TAF3: variants seen among roughly 807,000 people sequenced by gnomAD.
TAF3 encodes the protein TATA-box binding protein associated factor 3.
In TAF3, 7 loss-of-function variants were observed where a neutral mutation model predicts 80.6. The ratio of observed to expected loss-of-function variants is 0.09; its 90% confidence interval spans 0.05 to 0.16. TAF3 has a LOEUF of 0.16. Among genes scored for constraint, TAF3 ranks in the 10% least tolerant of loss-of-function variants. TAF3 has a pLI of 1.00. For synonymous variants in TAF3, 444 were observed against 446.1 expected (o/e 1.00, Z 0.06); for missense variants, 921 against 1,140.2 (o/e 0.81, Z 2.77).
rs547652882 is a variant in TAF3, at chr10:7,865,474, G to A, written c.409+40914G>A. The stretch of plus-strand genomic sequence containing the variant: ...AGCCTGGGGGACAGAGTGAGACTCC[G>A]TCTCAAACAAACAAACAAACAAACA... On this transcript the variant is annotated intron_variant, in intron 2 of 6. Coordinates refer to ENST00000344293, the MANE Select transcript of TAF3 (RefSeq NM_031923.4). 3.0e-3 allele frequency among the ~76,000 whole-genome samples: 406 copies of A among 135,146 alleles called. 1 individual carries two copies. The highest frequency in any genetic ancestry group is 9.5e-3 in the African/African-American group (369 of 38,668). 88.7% of individuals were successfully genotyped at this position (135,146 alleles called of 152,430 possible). A position where few individuals can be genotyped will look rare whatever the true frequency, so the allele number is the denominator to read the frequency against.
At chr10:7,966,746 C>T (rs535766381) in intron 3 of TAF3, among the ~76,000 whole-genome samples, 7 of 152,134 alleles carry the variant, frequency 4.6e-5, no homozygotes, top group East Asian at 3.9e-4. Flanking sequence ...CCAATAAATT[C>T]GGAGTATTTT....
intron 4 of TAF3, among the ~76,000 whole-genome samples, chr10:8,004,440 C>T (rs145044878): frequency 1.6e-3 from 236 of 151,644 alleles, no homozygotes; most frequent in African/African-American, 4.8e-3. Flanking sequence ...GGCCCTAGGA[C>T]GAAAAATTTG....
chr10:7,916,465 A>G (rs184469365), intron 2 of TAF3, among the ~76,000 whole-genome samples: 153 of 152,336 alleles, frequency 1.0e-3, no homozygotes. Flanking sequence ...CATTCTAAAA[A>G]TATGTCAGTG....
chr10:7,949,047 C>T (rs996361773), intron 2 of TAF3, among the ~76,000 whole-genome samples: 1 of 152,212 alleles, frequency 6.6e-6, no homozygotes, highest in South Asian at 2.1e-4. Context: ...GACAGCCGCT[C>T]TCGGGTCAAC....
chr10:7,855,311 A>C lies in TAF3; in HGVS notation c.409+30751A>C, dbSNP rs12784360. Among the ~76,000 whole-genome samples, 843 of 152,318 alleles carry C rather than the reference A, an allele frequency of 5.5e-3. 8 individuals are homozygous for C. Among genetic ancestry groups the C allele is most frequent in the South Asian group, 0.024 (115 of 4,824 alleles). On this transcript the variant is annotated intron_variant, in intron 2 of 6. Transcript: ENST00000344293. Reference sequence around the variant, plus strand: ...GGTGCAGCTGAGCAGCTGCCTCTACAAAAGACTGACTTCAAAGGGCCAAAC... The same window carrying C: ...GGTGCAGCTGAGCAGCTGCCTCTACCAAAGACTGACTTCAAAGGGCCAAAC...
chr10:8,006,444 G>A (rs192058896), intron 4 of TAF3, among the ~76,000 whole-genome samples: 1 of 151,816 alleles, frequency 6.6e-6, no homozygotes, highest in East Asian at 1.9e-4. Context: ...GCCCACAATT[G>A]GCTTTCAAGT....
At chr10:7,949,693 A>AAAAC (rs1470029533) in intron 2 of TAF3, among the ~76,000 whole-genome samples, 1 of 152,250 alleles carries the variant, frequency 6.6e-6, no homozygotes, top group African/African-American at 2.4e-5. Context: ...CACTAAGGTA[A>AAAAC]AAACAAACAA....
intron 4 of TAF3, among the ~76,000 whole-genome samples, chr10:7,993,154 T>C (rs77490304): frequency 0.015 from 2,309 of 152,304 alleles, 64 homozygotes; most frequent in African/African-American, 0.052. Flanking sequence ...CTGTTATTTT[T>C]AATCCACACT....
At chr10:7,856,767 A>G (rs912832382) in intron 2 of TAF3, among the ~76,000 whole-genome samples, 3 of 151,948 alleles carry the variant, frequency 2.0e-5, no homozygotes, top group African/African-American at 7.3e-5. Flanking sequence ...GGAAGCTACC[A>G]AAGATTAGGG....
At chr10:7,845,415 G>T (rs1052898451) in intron 2 of TAF3, among the ~76,000 whole-genome samples, 1 of 152,126 alleles carries the variant, frequency 6.6e-6, no homozygotes, top group Non-Finnish European at 1.5e-5. Context: ...CTTACTATAT[G>T]CTAGTCATTA....
rs1832033888 is a variant in TAF3 at position 8,009,637 on chromosome 10, T to C, written c.2568+307T>C. Among the ~76,000 whole-genome samples, 1 of 151,862 alleles carries C rather than the reference T, an allele frequency of 6.6e-6. No homozygotes were observed. The highest frequency in any genetic ancestry group is 6.6e-5 in the Admixed American group (1 of 15,250). The stretch of plus-strand genomic sequence containing the variant: ...GTTTCTTTTTTTTTCTTTTTTTTTT[T>C]TGAGACAGAGTTTCGCTCTTATTGC... On this transcript the variant is annotated intron_variant, in intron 5 of 6. Coordinates refer to ENST00000344293, the MANE Select transcript of TAF3 (RefSeq NM_031923.4). This position sits in a 1 kb window ranked among gnomAD's most constrained non-coding sequence, Gnocchi z 4.1.
chr10:7,965,447 A>C lies in TAF3; in HGVS notation c.1937A>C (p.Lys646Thr). The change falls in exon 3 of 7, where the codon AAG becomes ACG. Residue 646 changes from lysine to threonine, a missense_variant. Lys to Thr is a moderately conservative substitution (Grantham distance 78). This residue lies in a region of TAF3 where 743 missense variants were observed against 821.0 expected (regional missense o/e 0.90). Coordinates refer to ENST00000344293, the MANE Select transcript of TAF3 (RefSeq NM_031923.4). ...EKVKDKGRED[K>T]MKAPAPPLVL... is the part of the protein sequence containing the mutation. ...GTGAAAGATAAAGGCAGAGAAGATA[A>C]GATGAAAGCCCCAGCACCCCCACTG... is the stretch of plus-strand genomic sequence containing the variant. The C allele has an allele frequency of 6.2e-7, 1 of 1,613,620 alleles. No homozygotes were observed.
At chr10:7,865,422 T>C (rs894728098) in intron 2 of TAF3, among the ~76,000 whole-genome samples, 5 of 152,102 alleles carry the variant, frequency 3.3e-5, no homozygotes, top group Non-Finnish European at 7.4e-5. Flanking sequence ...GAGCTTGCAG[T>C]GAGCCGAGAT....
At chr10:7,985,555 C>T (rs1831768155) in intron 4 of TAF3, among the ~76,000 whole-genome samples, 1 of 152,156 alleles carries the variant, frequency 6.6e-6, no homozygotes, top group Non-Finnish European at 1.5e-5. Context: ...TAATTGTTCA[C>T]TCCTAAACCT....
chr10:7,844,476 A>G (rs1836949998), intron 2 of TAF3, among the ~76,000 whole-genome samples: 1 of 150,028 alleles, frequency 6.7e-6, no homozygotes, highest in Non-Finnish European at 1.5e-5. Flanking sequence ...TCCTGGGTTC[A>G]AGCGATTCCC....
chr10:7,943,747 T>C (rs1837997956), intron 2 of TAF3, among the ~76,000 whole-genome samples: 1 of 152,144 alleles, frequency 6.6e-6, no homozygotes, highest in South Asian at 2.1e-4. Flanking sequence ...TAAGCAAAAA[T>C]TAGTTGTGTG....
chr10:8,003,988 A>G (rs982102390), intron 4 of TAF3, among the ~76,000 whole-genome samples: 6 of 152,126 alleles, frequency 3.9e-5, no homozygotes, highest in African/African-American at 1.2e-4. Context: ...TAATGGGTTC[A>G]TTGTCGTTAC....
intron 2 of TAF3, among the ~76,000 whole-genome samples, chr10:7,920,781 A>G (rs750842594): frequency 3.9e-5 from 6 of 152,228 alleles, no homozygotes; most frequent in Non-Finnish European, 7.3e-5. Context: ...AGCTTATCTT[A>G]CCAAATATTT....
Position 7,818,885 on chromosome 10 carries a change from G to T in TAF3, c.166+10G>T. 7.0e-7 allele frequency: 1 copy of T among 1,426,360 alleles called. No individual in the cohort carries two copies. The highest frequency in any genetic ancestry group is 9.1e-7 in the Non-Finnish European group (1 of 1,095,232). The allele number at this position is 1,426,360 out of a possible 1,614,324, so 88.4% of individuals were successfully genotyped here. A position where few individuals can be genotyped will look rare whatever the true frequency, so the allele number is the denominator to read the frequency against. On this transcript the variant is annotated intron_variant, in intron 1 of 6. Transcript: ENST00000344293. Reference sequence around the variant, plus strand: ...CGGTACTCTGAGCTCTGTGAGTACCGGGCTGGGTGCGGGAGGGCTGCCCCG... The same window carrying T: ...CGGTACTCTGAGCTCTGTGAGTACCTGGCTGGGTGCGGGAGGGCTGCCCCG...
Sources: gnomAD v4.1 joint callset for allele counts (sites outside exome capture counted in the v4.1 genomes callset) on GRCh38, gnomAD v4.1.1 for gene constraint, gnomAD v4.1.1 regional missense constraint, Gnocchi (gnomAD v3.1) non-coding constraint, MANE v1.5 for transcripts, NCBI Gene and HGNC (gene_info 2026-07-23, HGNC 2026-07-21) for gene names.